PRMT3: variants seen among roughly 807,000 people sequenced by gnomAD.
PRMT3 encodes the protein protein arginine methyltransferase 3.
PRMT3 carries 62 observed loss-of-function variants against 71.9 expected under a neutral mutation model. The observed-to-expected ratio is 0.86, with a 90% CI of 0.70 to 1.07. The LOEUF (loss-of-function observed/expected upper bound fraction) is 1.07, where lower values mean the gene tolerates loss of function less well. PRMT3 is among the 50% of genes least tolerant of loss of function. PRMT3 has a pLI of 0.00. For synonymous variants in PRMT3, 213 were observed against 220.4 expected (o/e 0.97, Z 0.30); for missense variants, 663 against 643.0 (o/e 1.03, Z -0.34).
chr11:20,462,877 A>G (rs77025108), intron 12 of PRMT3, among the ~76,000 whole-genome samples: 1 of 141,954 alleles, frequency 7.0e-6, no homozygotes, highest in Non-Finnish European at 1.5e-5. Flanking sequence ...GTCTCAAGAG[A>G]AAAAAAAAAA....
chr11:20,507,761 CAGAG>C (rs1263003231), intron 15 of PRMT3, among the ~76,000 whole-genome samples: 1 of 147,876 alleles, frequency 6.8e-6, no homozygotes. Context: ...GCCTGGGCAA[CAGAG>C]AGAGACTGTC....
chr11:20,393,567 T>C (rs1318693305), intron 5 of PRMT3, among the ~76,000 whole-genome samples: 1 of 152,228 alleles, frequency 6.6e-6, no homozygotes, highest in Non-Finnish European at 1.5e-5. Flanking sequence ...GAAAGAAGTA[T>C]CCAGGTGATT....
chr11:20,482,660 G>A (rs1252353339), intron 13 of PRMT3, among the ~76,000 whole-genome samples: 5 of 152,038 alleles, frequency 3.3e-5, no homozygotes, highest in Non-Finnish European at 7.4e-5. Flanking sequence ...GTATAAGGAA[G>A]TAATCTTCCC....
intron 13 of PRMT3, among the ~76,000 whole-genome samples, chr11:20,482,164 G>A (rs1335912844): frequency 7.5e-5 from 11 of 146,954 alleles, no homozygotes; most frequent in Admixed American, 7.3e-4. Context: ...TGAAAGCCAT[G>A]CTGAAAAATA....
intron 6 of PRMT3, 74 bp downstream of exon 6, chr11:20,396,036 T>C (rs747438532): frequency 8.9e-6 from 12 of 1,347,926 alleles, no homozygotes; most frequent in Non-Finnish European, 1.0e-5. Flanking sequence ...AAGTAGAATA[T>C]AGTAGAACAT....
chr11:20,480,331 T>G (rs1850899855), intron 13 of PRMT3, among the ~76,000 whole-genome samples: 1 of 152,186 alleles, frequency 6.6e-6, no homozygotes, highest in Admixed American at 6.5e-5. Context: ...GTAAAACCAG[T>G]GGTTCTTGCG....
chr11:20,394,092 T>C (rs1346253581), intron 5 of PRMT3, among the ~76,000 whole-genome samples: 2 of 152,332 alleles, frequency 1.3e-5, no homozygotes, highest in East Asian at 3.9e-4. Context: ...GCTTAGCTAT[T>C]TTGTCCTAAT....
At chr11:20,432,020 A>G (rs1249392896) in intron 10 of PRMT3, among the ~76,000 whole-genome samples, 1 of 152,078 alleles carries the variant, frequency 6.6e-6, no homozygotes, top group Non-Finnish European at 1.5e-5. Flanking sequence ...ATGAAAGCAA[A>G]GGGAATAGAA....
chr11:20,401,609 T>C (rs1016804419), intron 7 of PRMT3, among the ~76,000 whole-genome samples: 1 of 152,196 alleles, frequency 6.6e-6, no homozygotes, highest in African/African-American at 2.4e-5. Flanking sequence ...TTTGATATTG[T>C]AGCAATTGGT....
At chr11:20,439,254 T>C (rs949645472) in intron 10 of PRMT3, among the ~76,000 whole-genome samples, 3 of 152,182 alleles carry the variant, frequency 2.0e-5, no homozygotes, top group Non-Finnish European at 4.4e-5. Context: ...GGTCTGTAGA[T>C]GTCCAATGTG....
At chr11:20,403,733 A>C (rs1849000963) in intron 8 of PRMT3, among the ~76,000 whole-genome samples, 1 of 151,814 alleles carries the variant, frequency 6.6e-6, no homozygotes, top group Non-Finnish European at 1.5e-5. Context: ...GAATATTATG[A>C]TCTCTGCCAT....
intron 15 of PRMT3, among the ~76,000 whole-genome samples, chr11:20,507,530 C>G (rs543057054): frequency 7.2e-5 from 11 of 152,300 alleles, no homozygotes; most frequent in Non-Finnish European, 1.2e-4. Context: ...AATCCCAGCA[C>G]TTTGGGAGGC....
At chr11:20,494,535 T>C (rs1851290091) in intron 15 of PRMT3, among the ~76,000 whole-genome samples, 1 of 152,118 alleles carries the variant, frequency 6.6e-6, no homozygotes, top group South Asian at 2.1e-4. Flanking sequence ...GGTTTCACCA[T>C]GTTGGTCCCC....
In PRMT3 at chr11:20,508,510, A is replaced by G. The variant is rs770048187; in HGVS notation, c.*97A>G. 3.6e-6 allele frequency: 3 copies of G among 827,068 alleles called. No homozygotes were observed. The highest frequency in any genetic ancestry group is 1.4e-5 in the South Asian group (1 of 72,630). The allele number at this position is 827,068 out of a possible 1,614,324, so 51.2% of individuals were successfully genotyped here. ...TTTTATGTGAGCAGATGGATGGATG[A>G]TGGACCCTTTCCTAATGAGCCTCCT... On this transcript the variant is annotated 3_prime_UTR_variant, in exon 16 of 16. Coordinates refer to ENST00000331079, the MANE Select transcript of PRMT3 (RefSeq NM_005788.4).
chr11:20,472,050 G>A (rs930828106), intron 13 of PRMT3, among the ~76,000 whole-genome samples: 3 of 152,042 alleles, frequency 2.0e-5, no homozygotes, highest in Non-Finnish European at 4.4e-5. Context: ...ATTGATTTTT[G>A]TGTCCTGAGA....
intron 15 of PRMT3, among the ~76,000 whole-genome samples, chr11:20,503,502 T>TA (rs1340450659): frequency 6.6e-6 from 1 of 152,208 alleles, no homozygotes; most frequent in Non-Finnish European, 1.5e-5. Flanking sequence ...ATTCCCTGTA[T>TA]GGTCAGTCCC....
chr11:20,475,672 G>GAGAC (rs1850764769), intron 13 of PRMT3, among the ~76,000 whole-genome samples: 4 of 68,002 alleles, frequency 5.9e-5, no homozygotes, highest in Admixed American at 1.6e-4. Flanking sequence ...TTTTTTTTTT[G>GAGAC]AGACAGAGTC....
intron 10 of PRMT3, among the ~76,000 whole-genome samples, chr11:20,448,143 T>C: frequency 8.4e-6 from 1 of 118,496 alleles, no homozygotes; most frequent in African/African-American, 2.5e-5. Flanking sequence ...CAAGTGCTCA[T>C]AGATTTTTTT....
chr11:20,442,292 TTTC>T, intron 10 of PRMT3, among the ~76,000 whole-genome samples: 1 of 152,262 alleles, frequency 6.6e-6, no homozygotes, highest in East Asian at 1.9e-4. Flanking sequence ...ATTTCAGTGT[TTTC>T]TTTTTTTCAA....
Sources: gnomAD v4.1 joint callset for allele counts (sites outside exome capture counted in the v4.1 genomes callset) on GRCh38, gnomAD v4.1.1 for gene constraint, MANE v1.5 for transcripts, NCBI Gene and HGNC (gene_info 2026-07-23, HGNC 2026-07-21) for gene names.